Variants in SLC5A3 observed in about 807,000 individuals in gnomAD.
The protein encoded by SLC5A3 is solute carrier family 5 member 3, also known as sodium/myo-inositol cotransporter.
SLC5A3 carries 10 observed loss-of-function variants against 43.2 expected under a neutral mutation model. That is an observed-to-expected ratio of 0.23 (90% CI 0.14 to 0.39). SLC5A3 has a LOEUF of 0.39. Among genes scored for constraint, SLC5A3 ranks in the 10% least tolerant of loss-of-function variants. SLC5A3 has a pLI of 1.00. For synonymous variants in SLC5A3, 349 were observed against 322.0 expected, an observed-to-expected ratio of 1.08 and a Z score of -0.90; for missense variants, 608 against 893.4, an observed-to-expected ratio of 0.68 and a Z score of 4.07.
intron 1 of SLC5A3, among the ~76,000 whole-genome samples, chr21:34,080,724 C>G (rs1440953381): frequency 6.6e-6 from 1 of 152,196 alleles, no homozygotes; most frequent in East Asian, 1.9e-4. Flanking sequence ...ATTACAAATT[C>G]TTGAGAGCTG....
At chr21:34,083,864 T>A (rs767800518) in intron 1 of SLC5A3, among the ~76,000 whole-genome samples, 6 of 152,162 alleles carry the variant, frequency 3.9e-5, no homozygotes, top group Non-Finnish European at 7.4e-5. Flanking sequence ...TTTATCTGAT[T>A]AGGATGGACT....
At position 34,105,902 on chromosome 21, in the gene SLC5A3, T is replaced by C. The variant is rs1979455028; in HGVS notation, c.*8547T>C. 4.1e-6 allele frequency: 4 copies of C among 985,118 alleles called. No homozygotes were observed. The highest frequency in any genetic ancestry group is 4.9e-6 in the Non-Finnish European group (4 of 816,268). The allele number at this position is 985,118 out of a possible 1,614,324, so 61.0% of individuals were successfully genotyped here. On this transcript the variant is annotated 3_prime_UTR_variant, in exon 2 of 2. Transcript: ENST00000381151. ...AAGATTGTTAAAATCATGACAATTC[T>C]AACTTGTCTATTCTAACCTATTGTG...
At chr21:34,094,539 C>A (rs1226988902) in intron 1 of SLC5A3, among the ~76,000 whole-genome samples, 2 of 152,056 alleles carry the variant, frequency 1.3e-5, no homozygotes, top group East Asian at 3.9e-4. Flanking sequence ...GATCTTAGTG[C>A]CTGTCCTAAT....
Position 34,097,913 on chromosome 21 carries a change from C to T in SLC5A3, c.*558C>T, listed in dbSNP as rs555487960. On this transcript the variant is annotated 3_prime_UTR_variant, in exon 2 of 2. Transcript: ENST00000381151. ...GCATGAGCCTACGGATTCTGATTTC[C>T]CAAAGAAAGAATGTTTTCCTGTAGG... 117 of 997,146 alleles carry T rather than the reference C, an allele frequency of 1.2e-4. No homozygotes were observed. The African/African-American group carries it at 2.0e-3, about 17-fold the overall frequency. The allele number at this position is 997,146 out of a possible 1,614,324, so 61.8% of individuals were successfully genotyped here. A position where few individuals can be genotyped will look rare whatever the true frequency, so the allele number is the denominator to read the frequency against.
chr21:34,075,580 A>G (rs1402166660), intron 1 of SLC5A3, among the ~76,000 whole-genome samples: 1 of 152,216 alleles, frequency 6.6e-6, no homozygotes, highest in African/African-American at 2.4e-5. Context: ...AGTAGATAAT[A>G]AAGGTGAACT....
Position 34,101,329 on chromosome 21 carries a change from A to T in SLC5A3, c.*3974A>T. On this transcript the variant is annotated 3_prime_UTR_variant, in exon 2 of 2. Coordinates refer to ENST00000381151, the MANE Select transcript of SLC5A3 (RefSeq NM_006933.7). ...ACCAATAAATAAGTTTCAGCTTTTT[A>T]AACCCTGGTTTGATGTTAAGCATTA... The T allele has an allele frequency of 1.0e-6, 1 of 1,000,212 alleles. No individual in the cohort carries two copies. The highest frequency in any genetic ancestry group is 1.2e-6 in the Non-Finnish European group (1 of 829,950). 62.0% of individuals were successfully genotyped at this position (1,000,212 alleles called of 1,614,324 possible). A position where few individuals can be genotyped will look rare whatever the true frequency, so the allele number is the denominator to read the frequency against.
At chr21:34,089,496 C>T (rs767354790) in intron 1 of SLC5A3, among the ~76,000 whole-genome samples, 1 of 152,026 alleles carries the variant, frequency 6.6e-6, no homozygotes, top group East Asian at 1.9e-4. Context: ...TAAAAAAATT[C>T]ATGATGAGCC....
At position 34,083,285 on chromosome 21, in the gene SLC5A3, A is replaced by G. The variant is rs936210686; in HGVS notation, c.-337+9540A>G. Among the ~76,000 whole-genome samples, 9 of 152,324 alleles carry G rather than the reference A, an allele frequency of 5.9e-5. No homozygotes were observed. In the Middle Eastern group the frequency reaches 0.01, roughly 173 times the overall value. ...GCTGGGAAGATGCTCTTGCAAATCC[A>G]TGTGTCGTCTTTGCTTCCGTTAGAA... is the stretch of plus-strand genomic sequence containing the variant. On this transcript the variant is annotated intron_variant, in intron 1 of 1. Coordinates refer to ENST00000381151, the MANE Select transcript of SLC5A3 (RefSeq NM_006933.7).
At position 34,073,698 on chromosome 21, in the gene SLC5A3, GGCAT is replaced by G; in HGVS notation, c.-381_-378del. On this transcript the variant is annotated 5_prime_UTR_variant, in exon 1 of 2. The change abolishes an upstream ATG in the 5' untranslated region. Transcript: ENST00000381151. ...CCGAGCCGCACTCGCCGATCCTCCA[GGCAT>G]GCCCCGCTACGAGCTGGCTTTAATC... The G allele has an allele frequency of 6.6e-7, 1 of 1,521,306 alleles. No individual in the cohort carries two copies. Among genetic ancestry groups the G allele is most frequent in the Non-Finnish European group, 8.9e-7 (1 of 1,126,914 alleles). 94.2% of individuals were successfully genotyped at this position (1,521,306 alleles called of 1,614,324 possible). A position where few individuals can be genotyped will look rare whatever the true frequency, so the allele number is the denominator to read the frequency against.
At position 34,095,714 on chromosome 21, in the gene SLC5A3, G is replaced by A; in HGVS notation, c.516G>A (p.Leu172=). 1.9e-6 allele frequency: 3 copies of A among 1,612,786 alleles called. No homozygotes were observed. Among genetic ancestry groups the A allele is most frequent in the African/African-American group, 1.3e-5 (1 of 74,584 alleles). Residue 172 remains leucine (L), a synonymous_variant, in exon 2 of 2, where the codon CTG becomes CTA. Transcript: ENST00000381151. ...TGCTCATTGGCATGACTGCTTTGCT[G>A]ACTGTCACCGGAGGCCTTGTTGCAG... ...VILLIGMTAL[L]TVTGGLVAVI...
chr21:34,078,709 C>G (rs1285397285), intron 1 of SLC5A3, among the ~76,000 whole-genome samples: 1 of 152,100 alleles, frequency 6.6e-6, no homozygotes, highest in Non-Finnish European at 1.5e-5. Flanking sequence ...TTTAACTCAT[C>G]TAAAAGAAAC....
At chr21:34,075,014 A>G (rs1989292651) in intron 1 of SLC5A3, among the ~76,000 whole-genome samples, 1 of 152,180 alleles carries the variant, frequency 6.6e-6, no homozygotes, top group South Asian at 2.1e-4. Flanking sequence ...TTAAGATAGT[A>G]TCTGTTCAGC....
rs1239282347 is a variant in SLC5A3, at chr21:34,101,619, G to A, written c.*4264G>A. The A allele has an allele frequency of 1.4e-5, 14 of 1,000,014 alleles. No individual in the cohort carries two copies. The highest frequency in any genetic ancestry group is 1.7e-5 in the Non-Finnish European group (14 of 829,946). The allele number at this position is 1,000,014 out of a possible 1,614,324, so 61.9% of individuals were successfully genotyped here. A position where few individuals can be genotyped will look rare whatever the true frequency, so the allele number is the denominator to read the frequency against. On this transcript the variant is annotated 3_prime_UTR_variant, in exon 2 of 2. Transcript: ENST00000381151. Reference sequence around the variant, plus strand: ...CTACACCTAGTCTTTTCAGCACTTAGCAAATTCAAATTTTGATTTTTTTGT... The same window carrying A: ...CTACACCTAGTCTTTTCAGCACTTAACAAATTCAAATTTTGATTTTTTTGT...
At position 34,099,535 on chromosome 21, in the gene SLC5A3, T is replaced by C. The variant is rs542465073; in HGVS notation, c.*2180T>C. 4.5e-4 allele frequency: 447 copies of C among 999,616 alleles called. 1 individual carries two copies. In the African/African-American group the frequency reaches 7.0e-3, roughly 16 times the overall value. 61.9% of individuals were successfully genotyped at this position (999,616 alleles called of 1,614,324 possible). A position where few individuals can be genotyped will look rare whatever the true frequency, so the allele number is the denominator to read the frequency against. ...ACCACATTACTGTGTAATTCACTGA[T>C]AATTGACATATTGGCTGGGCAGCCT... On this transcript the variant is annotated 3_prime_UTR_variant, in exon 2 of 2. Transcript: ENST00000381151.
chr21:34,082,464 C>A (rs73899950), intron 1 of SLC5A3, among the ~76,000 whole-genome samples: 2,424 of 152,206 alleles, frequency 0.016, 75 homozygotes, highest in African/African-American at 0.054. Flanking sequence ...TTGGTTTGTA[C>A]CCGTTGTATT....
Position 34,096,056 on chromosome 21 carries a change from C to G in SLC5A3, c.858C>G (p.Val286=). 6.2e-7 allele frequency: 1 copy of G among 1,614,066 alleles called. No homozygotes were observed. The highest frequency in any genetic ancestry group is 1.3e-5 in the African/African-American group (1 of 75,012). The change falls in exon 2 of 2, where the codon GTC becomes GTG. Residue 286 remains valine (V), a synonymous_variant. Transcript: ENST00000381151. The surrounding 1 kb of genome is among the most constrained non-coding windows in gnomAD (Gnocchi z 5.9). ...CTGACCAAGTCATCGTGCAGAGGGT[C>G]CTTGCAGCCAAAAACATTGCTCATG... ...WCADQVIVQR[V]LAAKNIAHAK...
chr21:34,103,828 A>C lies in SLC5A3; in HGVS notation c.*6473A>C. The C allele has an allele frequency of 1.0e-6, 1 of 1,000,194 alleles. No individual in the cohort carries two copies. The highest frequency in any genetic ancestry group is 1.2e-6 in the Non-Finnish European group (1 of 829,940). 62.0% of individuals were successfully genotyped at this position (1,000,194 alleles called of 1,614,324 possible). A position where few individuals can be genotyped will look rare whatever the true frequency, so the allele number is the denominator to read the frequency against. On this transcript the variant is annotated 3_prime_UTR_variant, in exon 2 of 2. Transcript: ENST00000381151. ...GAGAATATAAATGTCAAGAATGCCA[A>C]AATTATATTTGGGGGTTACTAGCTA...
At position 34,106,088 on chromosome 21, in the gene SLC5A3, A is replaced by G. The variant is rs1189347140; in HGVS notation, c.*8733A>G. On this transcript the variant is annotated 3_prime_UTR_variant, in exon 2 of 2. Coordinates refer to ENST00000381151, the MANE Select transcript of SLC5A3 (RefSeq NM_006933.7). ...CACTGTTCTTTGTGTACTGTGTGTT[A>G]TTTTGCCAGCTGCTGCATTAGCCTT... 2.0e-6 allele frequency: 2 copies of G among 999,018 alleles called. No homozygotes were observed. The highest frequency in any genetic ancestry group is 1.7e-5 in the African/African-American group (1 of 57,212). The allele number at this position is 999,018 out of a possible 1,614,324, so 61.9% of individuals were successfully genotyped here. A position where few individuals can be genotyped will look rare whatever the true frequency, so the allele number is the denominator to read the frequency against.
chr21:34,096,935 T>C lies in SLC5A3; in HGVS notation c.1737T>C (p.Asn579=). 1 of 1,614,100 alleles carries C rather than the reference T, an allele frequency of 6.2e-7. No individual in the cohort carries two copies. The highest frequency in any genetic ancestry group is 8.5e-7 in the Non-Finnish European group (1 of 1,179,986). The part of the protein sequence containing the change: ...EKSILRCSEN[N]ETINHIIPNG... ...GCATTCTGAGATGCAGTGAGAATAATGAGACCATCAACCACATCATTCCCA... is the reference window on the plus strand; with the variant it reads ...GCATTCTGAGATGCAGTGAGAATAACGAGACCATCAACCACATCATTCCCA... Residue 579 remains asparagine (N), a synonymous_variant, in exon 2 of 2, where the codon AAT becomes AAC. Transcript: ENST00000381151. The surrounding 1 kb of genome is among the most constrained non-coding windows in gnomAD (Gnocchi z 5.9).
Sources: gnomAD v4.1 joint callset for allele counts (sites outside exome capture counted in the v4.1 genomes callset) on GRCh38, gnomAD v4.1.1 for gene constraint, Gnocchi (gnomAD v3.1) non-coding constraint, MANE v1.5 for transcripts, NCBI Gene and HGNC (gene_info 2026-07-23, HGNC 2026-07-21) for gene names.